Variants in ADAMTSL1 observed in about 807,000 individuals in gnomAD.
ADAMTSL1 encodes the protein ADAMTS-like protein 1.
Under a neutral mutation model 201.8 loss-of-function variants are expected in ADAMTSL1, and 126 were observed. The observed-to-expected ratio is 0.62, with a 90% CI of 0.54 to 0.72. The LOEUF (loss-of-function observed/expected upper bound fraction) is 0.72. Among genes scored for constraint, ADAMTSL1 ranks in the 30% least tolerant of loss-of-function variants. The pLI, the probability that ADAMTSL1 is intolerant of heterozygous loss-of-function variation, is 0.00. For missense variants in ADAMTSL1, 2,679 were observed against 2,277.8 expected (o/e 1.18, Z -3.59); for synonymous variants, 1,121 against 903.4 (o/e 1.24, Z -4.32).
At chr9:18,590,402 T>C (rs928840458) in intron 4 of ADAMTSL1, among the ~76,000 whole-genome samples, 1 of 152,062 alleles carries the variant, frequency 6.6e-6, no homozygotes, top group African/African-American at 2.4e-5. Flanking sequence ...GAGTCTTCTC[T>C]ATTTTTTTCT....
At chr9:18,762,727 C>T (rs1006920223) in intron 16 of ADAMTSL1, among the ~76,000 whole-genome samples, 1 of 152,008 alleles carries the variant, frequency 6.6e-6, no homozygotes, top group Non-Finnish European at 1.5e-5. Context: ...TTTTTAGGTC[C>T]TGCAAATAAG....
Position 18,574,253 on chromosome 9 carries a change from G to C in ADAMTSL1, c.461G>C (p.Ser154Thr). The change falls in exon 4 of 29, where the codon AGT becomes ACT. Residue 154 changes from serine (S) to threonine (T), a missense_variant. Coordinates refer to ENST00000380548, the MANE Select transcript of ADAMTSL1 (RefSeq NM_001040272.6). The part of the protein sequence containing the change: ...CYTESLDMCI[S>T]GLCQIVGCDH... Reference sequence around the variant, plus strand: ...ACAGAATCTTTGGATATGTGCATCAGTGGTTTATGCCAAGTAAGTGCTGAT... The same window carrying C: ...ACAGAATCTTTGGATATGTGCATCACTGGTTTATGCCAAGTAAGTGCTGAT... 6.2e-7 allele frequency: 1 copy of C among 1,614,010 alleles called. No homozygotes were observed. The highest frequency in any genetic ancestry group is 8.5e-7 in the Non-Finnish European group (1 of 1,179,844).
intron 2 of ADAMTSL1, among the ~76,000 whole-genome samples, chr9:18,290,901 C>T (rs1052895763): frequency 3.3e-5 from 5 of 151,892 alleles, no homozygotes; most frequent in African/African-American, 1.2e-4. Context: ...CCTGCCTCAG[C>T]CTCCCAAGTA....
rs141454361 is a variant in ADAMTSL1 at position 18,496,614 on chromosome 9, C to T, written c.64-8215C>T. ...TCATTTCATGCAGCTTCCCTATTATCAGTTATAATTTGGGTTTTTTTGCCC... is the reference window on the plus strand; with the variant it reads ...TCATTTCATGCAGCTTCCCTATTATTAGTTATAATTTGGGTTTTTTTGCCC... On this transcript the variant is annotated intron_variant, in intron 1 of 28. Transcript: ENST00000380548. Among the ~76,000 whole-genome samples the T allele has an allele frequency of 6.0e-4, 91 of 152,254 alleles. No individual in the cohort carries two copies. The East Asian group carries it at 0.017, about 28-fold the overall frequency.
chr9:18,769,621 CTT>C (rs1296764004), intron 16 of ADAMTSL1, among the ~76,000 whole-genome samples: 22 of 152,294 alleles, frequency 1.4e-4, no homozygotes, highest in African/African-American at 4.6e-4. Context: ...AAGATGGAAG[CTT>C]ACATTTCAGA....
At chr9:18,227,236 A>G (rs1293447615) in intron 2 of ADAMTSL1, among the ~76,000 whole-genome samples, 3 of 152,012 alleles carry the variant, frequency 2.0e-5, no homozygotes, top group Non-Finnish European at 4.4e-5. Context: ...ATTGTCGTAT[A>G]TTTTTCAACT....
In ADAMTSL1 at chr9:18,661,685, G is replaced by T. The variant is rs35349026; in HGVS notation, c.947-250G>T. 0.13 allele frequency among the ~76,000 whole-genome samples: 20,219 copies of T among 151,988 alleles called. 1,363 individuals are homozygous for T. The highest frequency in any genetic ancestry group is 0.16 in the East Asian group (853 of 5,172). ...GTTCTTACCAGAGTCTTATTATCTGGCTGGGCCCTTAAGTAGTTCAAGCCT... is the reference window on the plus strand; with the variant it reads ...GTTCTTACCAGAGTCTTATTATCTGTCTGGGCCCTTAAGTAGTTCAAGCCT... On this transcript the variant is annotated intron_variant, in intron 8 of 28. Transcript: ENST00000380548.
At chr9:17,972,044 T>A (rs1818224329) in intron 1 of ADAMTSL1, among the ~76,000 whole-genome samples, 1 of 151,968 alleles carries the variant, frequency 6.6e-6, no homozygotes, top group African/African-American at 2.4e-5. Context: ...GTATACATTG[T>A]AAAATGATTA....
chr9:18,600,233 A>T (rs970740824), intron 4 of ADAMTSL1, among the ~76,000 whole-genome samples: 1 of 152,154 alleles, frequency 6.6e-6, no homozygotes, highest in Non-Finnish European at 1.5e-5. Context: ...TATTGTTATC[A>T]TGATGGTAAT....
rs149109549 is a variant in ADAMTSL1 at position 18,172,453 on chromosome 9, G to A, written c.207+8472G>A. On this transcript the variant is annotated intron_variant, in intron 2 of 29. Coordinates refer to the ADAMTSL1 transcript ENST00000680146. ...AATAGCATTTCGTACCCATCAGATA[G>A]GCAACAAATTTAAAGGACCAACGAA... Among the ~76,000 whole-genome samples the A allele has an allele frequency of 4.8e-3, 731 of 152,124 alleles. 6 individuals are homozygous for A. The highest frequency in any genetic ancestry group is 0.015 in the African/African-American group (628 of 41,530).
intron 2 of ADAMTSL1, among the ~76,000 whole-genome samples, chr9:18,412,970 G>T (rs1313495027): frequency 6.6e-6 from 1 of 152,056 alleles, no homozygotes; most frequent in East Asian, 1.9e-4. Flanking sequence ...ATATCTATGT[G>T]TGTGTGTTTT....
intron 1 of ADAMTSL1, among the ~76,000 whole-genome samples, chr9:18,079,590 G>C (rs1191212938): frequency 1.3e-5 from 2 of 151,928 alleles, no homozygotes; most frequent in Non-Finnish European, 2.9e-5. Context: ...GCTGAGGCAG[G>C]AGAATGGCGT....
chr9:18,268,676 A>G (rs866532494), intron 2 of ADAMTSL1, among the ~76,000 whole-genome samples: 69 of 152,172 alleles, frequency 4.5e-4, no homozygotes, highest in African/African-American at 1.5e-3. Flanking sequence ...TAAATCATCA[A>G]ATACCTTTCC....
intron 14 of ADAMTSL1, among the ~76,000 whole-genome samples, chr9:18,710,300 C>T (rs898719854): frequency 1.3e-5 from 2 of 152,220 alleles, no homozygotes; most frequent in African/African-American, 4.8e-5. Flanking sequence ...GACCACAGGG[C>T]TGGCCCAAGA....
chr9:18,416,926 G>A (rs1818701016), intron 2 of ADAMTSL1, among the ~76,000 whole-genome samples: 1 of 151,938 alleles, frequency 6.6e-6, no homozygotes, highest in South Asian at 2.1e-4. Context: ...GACATTTATA[G>A]GACACTCTGG....
intron 4 of ADAMTSL1, among the ~76,000 whole-genome samples, chr9:18,620,089 TC>T (rs1825945964): frequency 6.6e-6 from 1 of 150,862 alleles, no homozygotes; most frequent in Non-Finnish European, 1.5e-5. Flanking sequence ...TCCAGGCATT[TC>T]TAAAGGACAT....
rs114182376 is a variant in ADAMTSL1, at chr9:18,046,204, A to G, written c.88-117658A>G. Among the ~76,000 whole-genome samples, 596 of 152,308 alleles carry G rather than the reference A, an allele frequency of 3.9e-3. 3 individuals carry two copies. Among genetic ancestry groups the G allele is most frequent in the African/African-American group, 0.013 (550 of 41,572 alleles). On this transcript the variant is annotated intron_variant, in intron 1 of 29. Coordinates refer to the ADAMTSL1 transcript ENST00000680146. Reference sequence around the variant, plus strand: ...AAGTACTAGTTAAGATATAGGCTTGAGTGCTGTAATGCAGAGACTCAAAAC... The same window carrying G: ...AAGTACTAGTTAAGATATAGGCTTGGGTGCTGTAATGCAGAGACTCAAAAC...
intron 2 of ADAMTSL1, among the ~76,000 whole-genome samples, chr9:18,518,344 C>G (rs546701702): frequency 1.3e-5 from 2 of 152,152 alleles, no homozygotes; most frequent in African/African-American, 4.8e-5. Context: ...ATATTTCCAT[C>G]TTTATGTCCA....
intron 1 of ADAMTSL1, among the ~76,000 whole-genome samples, chr9:18,500,089 A>C (rs1487537737): frequency 6.6e-6 from 1 of 152,214 alleles, no homozygotes; most frequent in Non-Finnish European, 1.5e-5. Context: ...GGTACATAGG[A>C]GGTCATTCTA....
Sources: allele counts gnomAD v4.1 joint callset (sites outside exome capture counted in the v4.1 genomes callset), GRCh38; gene constraint gnomAD v4.1.1; transcripts MANE v1.5; gene names NCBI Gene and HGNC (gene_info 2026-07-23, HGNC 2026-07-21).